The following INPP4A variants were observed in gnomAD, a reference collection of about 807,000 sequenced individuals.
INPP4A encodes the protein inositol polyphosphate-4-phosphatase type I A.
A neutral mutation model predicts 119.8 loss-of-function variants in INPP4A; 33 were observed. The observed-to-expected ratio is 0.28, with a 90% CI of 0.21 to 0.37. INPP4A has a LOEUF of 0.37. Among genes scored for constraint, INPP4A ranks in the 10% least tolerant of loss-of-function variants. The pLI, the probability that INPP4A is intolerant of heterozygous loss-of-function variation, is 1.00. For missense variants in INPP4A, 956 were observed against 1,289.9 expected (o/e 0.74, Z 3.97); for synonymous variants, 496 against 500.7 (o/e 0.99, Z 0.12).
At chr2:98,571,448 C>T (rs531662221) in intron 22 of INPP4A, among the ~76,000 whole-genome samples, 20 of 152,312 alleles carry the variant, frequency 1.3e-4, no homozygotes, top group Non-Finnish European at 2.4e-4. Flanking sequence ...GAGTGGTGAG[C>T]GGCTGCAGTA....
At position 98,555,687 on chromosome 2, in the gene INPP4A, G is replaced by C. The variant is rs767123792; in HGVS notation, c.1701G>C (p.Lys567Asn). 1 of 1,613,896 alleles carries C rather than the reference G, an allele frequency of 6.2e-7. No individual in the cohort carries two copies. Among genetic ancestry groups the C allele is most frequent in the Admixed American group, 1.7e-5 (1 of 60,006 alleles). Residue 567 changes from lysine to asparagine, a missense_variant, in exon 16 of 25, where the codon AAG (lysine) becomes AAC (asparagine). Lys to Asn is a moderately conservative substitution (Grantham distance 94). Around this residue, in one of 2 missense-constraint regions of INPP4A, gnomAD observed 652 missense variants for 797.9 expected, o/e 0.82. Coordinates refer to ENST00000409851, the MANE Select transcript of INPP4A (RefSeq NM_001134225.2). ...CCTGTGCAGGCAGCTGCACCAGCAA[G>C]AAAGGTAACCCGGACAGCCACGCCT... ...VFPCAGSCTS[K>N]KGNPDSHAYW...
At chr2:98,521,129 G>C (rs1449787793) in intron 4 of INPP4A, 2 of 180,952 alleles carry the variant, frequency 1.1e-5, no homozygotes, top group African/African-American at 4.7e-5. Flanking sequence ...GCAAGGCCTT[G>C]TGTTGGCTGA....
At chr2:98,579,690 A>C (rs1167607320) in intron 24 of INPP4A, among the ~76,000 whole-genome samples, 1 of 152,228 alleles carries the variant, frequency 6.6e-6, no homozygotes, top group Non-Finnish European at 1.5e-5. Flanking sequence ...GGGGCCTGGC[A>C]AAGGGAAGGC....
At chr2:98,529,509 G>A (rs1688801598) in intron 4 of INPP4A, among the ~76,000 whole-genome samples, 1 of 152,148 alleles carries the variant, frequency 6.6e-6, no homozygotes, top group African/African-American at 2.4e-5. Context: ...GCCGAGGCAG[G>A]TGGATCACGA....
At chr2:98,565,943 TAAGCCAGA>T in intron 20 of INPP4A, 78 bp from the exon 21 acceptor site, 1 of 1,520,648 alleles carries the variant, frequency 6.6e-7, no homozygotes, top group East Asian at 2.4e-5. Flanking sequence ...TGGCCATCAC[TAAGCCAGA>T]GGGCCAGCCT....
chr2:98,485,444 T>C (rs901947658), intron 1 of INPP4A, among the ~76,000 whole-genome samples: 16 of 152,186 alleles, frequency 1.1e-4, no homozygotes, highest in African/African-American at 3.9e-4. Context: ...TTTCCAAGCC[T>C]GCAGTAAGAG....
intron 1 of INPP4A, among the ~76,000 whole-genome samples, chr2:98,449,432 G>A (rs944275280): frequency 9.9e-5 from 15 of 152,102 alleles, no homozygotes; most frequent in Non-Finnish European, 1.9e-4. Context: ...GCATTTTGTT[G>A]CTCAAATTAT....
rs1474883685 is a variant in INPP4A, at chr2:98,566,008, C to G, written c.2280-21C>G. The stretch of plus-strand genomic sequence containing the variant: ...GGCCCTCTGGCCTCACACTGCTCTC[C>G]CTCTCTCCACCTTTCTCCAGCGACG... On this transcript the variant is annotated intron_variant, in intron 20 of 24. Coordinates refer to ENST00000409851, the MANE Select transcript of INPP4A (RefSeq NM_001134225.2). This position sits in a 1 kb window ranked among gnomAD's most constrained non-coding sequence, Gnocchi z 4.2. 1 of 1,599,868 alleles carries G rather than the reference C, an allele frequency of 6.3e-7. No homozygotes were observed. The highest frequency in any genetic ancestry group is 8.5e-7 in the Non-Finnish European group (1 of 1,173,322).
chr2:98,462,024 AG>A (rs1215519437), intron 1 of INPP4A, among the ~76,000 whole-genome samples: 2 of 152,230 alleles, frequency 1.3e-5, no homozygotes, highest in African/African-American at 4.8e-5. Flanking sequence ...CTGGAAAAAG[AG>A]GGTGGGGTTA....
chr2:98,559,969 A>G (rs187383003), intron 17 of INPP4A, among the ~76,000 whole-genome samples: 300 of 152,354 alleles, frequency 2.0e-3, no homozygotes, highest in Non-Finnish European at 2.7e-3. Context: ...TCTTGTCCAC[A>G]GTCTGCTCTT....
chr2:98,537,971 G>A lies in INPP4A; in HGVS notation c.576G>A (p.Gly192=). Residue 192 remains glycine (G), a synonymous_variant, in exon 8 of 25, where the codon GGG becomes GGA. Transcript: ENST00000409851. The stretch of plus-strand genomic sequence containing the variant: ...CCCGGTCTGTGGACACTGTCAATGG[G>A]AGGGTGAGTTACACCACTTTCCTCC... The part of the protein sequence containing the change: ...PVTRSVDTVN[G]RMVLPVDESL... The A allele has an allele frequency of 6.3e-7, 1 of 1,598,006 alleles. No homozygotes were observed. The highest frequency in any genetic ancestry group is 8.6e-7 in the Non-Finnish European group (1 of 1,167,738).
intron 8 of INPP4A, 21 bp downstream of exon 8, chr2:98,537,995 C>A: frequency 1.4e-6 from 2 of 1,474,864 alleles, no homozygotes; most frequent in Non-Finnish European, 1.9e-6. Flanking sequence ...CCACTTTCCT[C>A]CTCTCCCTTA....
At chr2:98,502,664 C>T (rs1240980130) in intron 1 of INPP4A, among the ~76,000 whole-genome samples, 1 of 152,044 alleles carries the variant, frequency 6.6e-6, no homozygotes. Context: ...TATTCCTACT[C>T]GTTAGCATTT....
chr2:98,545,879 C>G, intron 11 of INPP4A, 90 bp from the exon 12 acceptor site: 1 of 883,378 alleles, frequency 1.1e-6, no homozygotes, highest in Non-Finnish European at 1.7e-6. Flanking sequence ...TTATATGCCA[C>G]AGCATCCTCT....
chr2:98,571,919 C>T, intron 22 of INPP4A: 1 of 153,000 alleles, frequency 6.5e-6, no homozygotes, highest in Non-Finnish European at 1.5e-5. Flanking sequence ...TTCCATCTTT[C>T]TGTCTCTGCC....
chr2:98,527,102 T>A (rs1688319679), intron 4 of INPP4A, among the ~76,000 whole-genome samples: 1 of 152,224 alleles, frequency 6.6e-6, no homozygotes, highest in Non-Finnish European at 1.5e-5. Flanking sequence ...TTATGATGTT[T>A]TAACTTGCCC....
At chr2:98,461,143 T>C (rs1160142221) in intron 1 of INPP4A, among the ~76,000 whole-genome samples, 2 of 152,008 alleles carry the variant, frequency 1.3e-5, no homozygotes, top group Admixed American at 6.6e-5. Flanking sequence ...AGGGGGTGGT[T>C]TGGTAGTGAG....
At chr2:98,451,281 A>G (rs1249500459) in intron 1 of INPP4A, among the ~76,000 whole-genome samples, 2 of 152,130 alleles carry the variant, frequency 1.3e-5, no homozygotes, top group East Asian at 1.9e-4. Context: ...GCCTTTTAAT[A>G]TGAAACTTGT....
At chr2:98,577,182 G>T in intron 24 of INPP4A, 39 bp downstream of exon 24, 1 of 1,537,826 alleles carries the variant, frequency 6.5e-7, no homozygotes. Context: ...CGCCTGCCCC[G>T]GCCCGTGTAA....
Sources: gnomAD v4.1 joint callset for allele counts (sites outside exome capture counted in the v4.1 genomes callset) on GRCh38, gnomAD v4.1.1 for gene constraint, gnomAD v4.1.1 regional missense constraint, Gnocchi (gnomAD v3.1) non-coding constraint, MANE v1.5 for transcripts, NCBI Gene and HGNC (gene_info 2026-07-23, HGNC 2026-07-21) for gene names.